MMGT1: variants seen among roughly 807,000 people sequenced by gnomAD.
The protein encoded by MMGT1 is membrane magnesium transporter 1.
Under a neutral mutation model 11.7 loss-of-function variants are expected in MMGT1, and 2 were observed. The observed-to-expected ratio is 0.17, with a 90% CI of 0.07 to 0.54. The LOEUF (loss-of-function observed/expected upper bound fraction) is 0.54. MMGT1 is among the 20% of genes least tolerant of loss of function. The pLI, the probability that MMGT1 is intolerant of heterozygous loss-of-function variation, is 0.94. For missense variants in MMGT1, 74 were observed against 109.0 expected (o/e 0.68, Z 1.43); for synonymous variants, 49 against 44.4 (o/e 1.10, Z -0.41).
At chrX:135,969,172 A>C (rs201880663) in intron 2 of MMGT1, among the ~76,000 whole-genome samples, 1 of 62,948 alleles carries the variant, frequency 1.6e-5, no homozygotes, top group Non-Finnish European at 3.5e-5. Context: ...GTGTGTGTGT[A>C]TCTACCACAA....
Position 135,971,069 on chromosome X carries a change from G to A in MMGT1, c.121C>T (p.Leu41=). ...AATGACCAACTTACATCTATTGGCA[G>A]TGATTCATCTTCTTTTTCTGTTAAT... The part of the protein sequence containing the change: ...MRLTEKEDES[L]PIDIVLQTLL... The change falls in exon 2 of 4, where the codon CTG becomes TTG. Residue 41 remains leucine (L), a synonymous_variant. Coordinates refer to ENST00000305963, the MANE Select transcript of MMGT1 (RefSeq NM_173470.3). The A allele has an allele frequency of 8.5e-7, 1 of 1,177,639 alleles. No individual in the cohort carries two copies. Among genetic ancestry groups the A allele is most frequent in the Non-Finnish European group, 1.2e-6 (1 of 866,027 alleles).
intron 2 of MMGT1, among the ~76,000 whole-genome samples, chrX:135,969,388 A>AGATCTCGAGTGCAT (rs1461399976): frequency 9.0e-6 from 1 of 111,550 alleles, no homozygotes; most frequent in Non-Finnish European, 1.9e-5. Context: ...GTTGGAGTGC[A>AGATCTCGAGTGCAT]GATCTCGAGT....
In MMGT1 at chrX:135,973,717, G is replaced by T. The variant is rs200764917; in HGVS notation, c.-42C>A. 2 of 1,166,987 alleles carry T rather than the reference G, an allele frequency of 1.7e-6. No homozygotes were observed. The highest frequency in any genetic ancestry group is 2.6e-5 in the Admixed American group (1 of 38,786). On this transcript the variant is annotated 5_prime_UTR_variant, in exon 1 of 4. Coordinates refer to ENST00000305963, the MANE Select transcript of MMGT1 (RefSeq NM_173470.3). ...CAGCCCAGCAAAAGAAGCGAAGGAC[G>T]GCGGAGCTGTTTCTTCTTCCACCGG...
chrX:135,969,466 A>T (rs1556612377), intron 2 of MMGT1, among the ~76,000 whole-genome samples: 1 of 110,535 alleles, frequency 9.0e-6, no homozygotes, highest in Non-Finnish European at 1.9e-5. Flanking sequence ...TGGCCTCCCG[A>T]GTATCTGGGA....
At chrX:135,970,705 C>T (rs2089213523) in intron 2 of MMGT1, among the ~76,000 whole-genome samples, 1 of 111,952 alleles carries the variant, frequency 8.9e-6, no homozygotes, top group African/African-American at 3.3e-5. Context: ...GTCAGGAGAT[C>T]GAGACCATCG....
intron 2 of MMGT1, 30 bp downstream of exon 2, chrX:135,971,028 C>A: frequency 9.7e-7 from 1 of 1,033,369 alleles, no homozygotes; most frequent in Non-Finnish European, 1.3e-6. Context: ...TTTAAACATA[C>A]ATGTAACGGA....
chrX:135,971,048 A>T lies in MMGT1; in HGVS notation c.132+10T>A. The T allele has an allele frequency of 8.9e-7, 1 of 1,128,619 alleles. No homozygotes were observed. Among genetic ancestry groups the T allele is most frequent in the South Asian group, 1.9e-5 (1 of 53,078 alleles). The allele number at this position is 1,128,619 out of a possible 1,213,427, so 93.0% of individuals were successfully genotyped here. ...ACATACATGTAACGGAATATAAATG[A>T]CCAACTTACATCTATTGGCAGTGAT... On this transcript the variant is annotated intron_variant, in intron 2 of 3. Coordinates refer to ENST00000305963, the MANE Select transcript of MMGT1 (RefSeq NM_173470.3).
In MMGT1 at chrX:135,962,158, T is replaced by C. The variant is rs1187081020; in HGVS notation, c.*2866A>G. The C allele has an allele frequency of 9.0e-6, 1 of 111,406 alleles. No homozygotes were observed. Among genetic ancestry groups the C allele is most frequent in the Non-Finnish European group, 1.9e-5 (1 of 53,057 alleles). The allele number at this position is 111,406 out of a possible 1,213,427, so 9.2% of individuals were successfully genotyped here. A position where few individuals can be genotyped will look rare whatever the true frequency, so the allele number is the denominator to read the frequency against. Reference sequence around the variant, plus strand: ...TCCCAAAAACACGTGTTTAGTTTGGTGTTACAGGCATTGATGCTCACAACA... The same window carrying C: ...TCCCAAAAACACGTGTTTAGTTTGGCGTTACAGGCATTGATGCTCACAACA... On this transcript the variant is annotated 3_prime_UTR_variant, in exon 4 of 4. Transcript: ENST00000305963.
At position 135,971,077 on chromosome X, in the gene MMGT1, T is replaced by C; in HGVS notation, c.113A>G (p.Asp38Gly). Residue 38 changes from aspartate to glycine, a missense_variant, in exon 2 of 4, where the codon GAT becomes GGT. Physicochemically the swap from Asp to Gly is moderately conservative, Grantham distance 94. Coordinates refer to ENST00000305963, the MANE Select transcript of MMGT1 (RefSeq NM_173470.3). The stretch of plus-strand genomic sequence containing the variant: ...ACTTACATCTATTGGCAGTGATTCA[T>C]CTTCTTTTTCTGTTAATCGCATATA... ...RSYMRLTEKEDESLPIDIVLQ... is the reference protein window; with the variant it reads ...RSYMRLTEKEGESLPIDIVLQ... The C allele has an allele frequency of 8.5e-7, 1 of 1,181,486 alleles. No individual in the cohort carries two copies.
intron 2 of MMGT1, among the ~76,000 whole-genome samples, chrX:135,968,446 T>C (rs1353568604): frequency 9.1e-6 from 1 of 110,236 alleles, no homozygotes; most frequent in Non-Finnish European, 1.9e-5. Context: ...TTTATTTAAA[T>C]GGACTCAAAT....
rs1261491414 is a variant in MMGT1, at chrX:135,964,893, T to C, written c.*131A>G. 7.1e-5 allele frequency: 36 copies of C among 510,429 alleles called. No individual in the cohort carries two copies. The highest frequency in any genetic ancestry group is 1.1e-4 in the Non-Finnish European group (35 of 310,258). The allele number at this position is 510,429 out of a possible 1,213,427, so 42.1% of individuals were successfully genotyped here. On this transcript the variant is annotated 3_prime_UTR_variant, in exon 4 of 4. Coordinates refer to ENST00000305963, the MANE Select transcript of MMGT1 (RefSeq NM_173470.3). ...ATTAACAGTATATAAACAAGGGCCA[T>C]GGTTTTTTTTACTAAAGTAGGTCTG...
rs894642415 is a variant in MMGT1 at position 135,965,307 on chromosome X, T to G, written c.237-124A>C. On this transcript the variant is annotated intron_variant, in intron 3 of 3. Coordinates refer to ENST00000305963, the MANE Select transcript of MMGT1 (RefSeq NM_173470.3). ...ATATTTTTTAACAAGTATTAATACATGAAATCAGACTGTAAATAATAATTA... is the reference window on the plus strand; with the variant it reads ...ATATTTTTTAACAAGTATTAATACAGGAAATCAGACTGTAAATAATAATTA... 2.6e-5 allele frequency: 12 copies of G among 469,638 alleles called. No homozygotes were observed. The South Asian group carries it at 5.5e-4, about 21-fold the overall frequency. 38.7% of individuals were successfully genotyped at this position (469,638 alleles called of 1,213,427 possible).
Position 135,973,972 on chromosome X carries a change from T to C in MMGT1, c.-297A>G, listed in dbSNP as rs782672023. 12 of 1,039,785 alleles carry C rather than the reference T, an allele frequency of 1.2e-5. No individual in the cohort carries two copies. In the South Asian group the frequency reaches 2.2e-4, roughly 19 times the overall value. The allele number at this position is 1,039,785 out of a possible 1,213,427, so 85.7% of individuals were successfully genotyped here. The stretch of plus-strand genomic sequence containing the variant: ...TAAACGAAGAGGCGAAAGCGGGAGC[T>C]ACGGGGAAGCGAAGAGGAAGGGCGC... On this transcript the variant is annotated 5_prime_UTR_variant, in exon 1 of 4. Transcript: ENST00000305963.
chrX:135,966,411 T>C (rs1194018732), intron 3 of MMGT1, among the ~76,000 whole-genome samples: 3 of 111,721 alleles, frequency 2.7e-5, no homozygotes, highest in Non-Finnish European at 5.6e-5. Context: ...CTGGCCAACA[T>C]GGTGAAACCC....
rs377059218 is a variant in MMGT1 at position 135,965,050 on chromosome X, G to C, written c.370C>G (p.Arg124Gly). 1 of 1,208,415 alleles carries C rather than the reference G, an allele frequency of 8.3e-7. No homozygotes were observed. The highest frequency in any genetic ancestry group is 1.1e-6 in the Non-Finnish European group (1 of 893,355). The change falls in exon 4 of 4, where the codon CGA (arginine) becomes GGA (glycine). Residue 124 changes from arginine (R) to glycine (G), a missense_variant. By Grantham distance (125) the Arg-to-Gly change is moderately radical. Around this residue, in one of 2 missense-constraint regions of MMGT1, gnomAD observed 34 missense variants for 29.3 expected, o/e 1.16. Transcript: ENST00000305963. ...ALSSNTSLKL[R>G]KLESLRR is the part of the protein sequence containing the mutation. ...TAACGACGCAGTGATTCGAGTTTTC[G>C]TAACTTCAATGATGTGTTAGAGGAC...
rs199768015 is a variant in MMGT1 at position 135,964,997 on chromosome X, G to A, written c.*27C>T. The A allele has an allele frequency of 8.2e-5, 98 of 1,190,117 alleles. No individual in the cohort carries two copies. The highest frequency in any genetic ancestry group is 6.4e-4 in the Admixed American group (29 of 45,565). ...CTCCAATATTCCAGCTCTGTGTCCT[G>A]TCCTATTATTATAATTTGTAAAAAT... On this transcript the variant is annotated 3_prime_UTR_variant, in exon 4 of 4. Coordinates refer to ENST00000305963, the MANE Select transcript of MMGT1 (RefSeq NM_173470.3).
In MMGT1 at chrX:135,971,505, ATTT is replaced by A. The variant is rs782212448; in HGVS notation, c.80-398_80-396del. Among the ~76,000 whole-genome samples, 3 of 112,047 alleles carry A rather than the reference ATTT, an allele frequency of 2.7e-5. No individual in the cohort carries two copies. In the South Asian group the frequency reaches 1.1e-3, roughly 41 times the overall value. On this transcript the variant is annotated intron_variant, in intron 1 of 3. Transcript: ENST00000305963. ...TATGAGGCAGAAATACCTTAGTATA[ATTT>A]TTCTTTCATTATTATAGAAATACTA...
intron 3 of MMGT1, 56 bp downstream of exon 3, chrX:135,967,334 T>A: frequency 1.3e-6 from 1 of 753,923 alleles, no homozygotes; most frequent in Non-Finnish European, 2.0e-6. Flanking sequence ...TTTAAAATTA[T>A]GTGAATACAG....
At chrX:135,968,847 G>A (rs1249935307) in intron 2 of MMGT1, among the ~76,000 whole-genome samples, 3 of 111,450 alleles carry the variant, frequency 2.7e-5, no homozygotes, top group Non-Finnish European at 5.6e-5. Flanking sequence ...ACTGTGCTTT[G>A]TATTTCATGA....
Sources: gnomAD v4.1 joint callset for allele counts (sites outside exome capture counted in the v4.1 genomes callset) on GRCh38, gnomAD v4.1.1 for gene constraint, gnomAD v4.1.1 regional missense constraint, MANE v1.5 for transcripts, NCBI Gene and HGNC (gene_info 2026-07-23, HGNC 2026-07-21) for gene names.